The following PRDM8 variants were observed in gnomAD, a reference collection of about 807,000 sequenced individuals.
PRDM8 encodes the protein PR/SET domain 8.
Under a neutral mutation model 46.5 loss-of-function variants are expected in PRDM8, and 13 were observed. The observed-to-expected ratio is 0.28, with a 90% CI of 0.18 to 0.44. The LOEUF (loss-of-function observed/expected upper bound fraction) is 0.44. Among genes scored for constraint, PRDM8 ranks in the 20% least tolerant of loss-of-function variants. The pLI, the probability that PRDM8 is intolerant of heterozygous loss-of-function variation, is 1.00. For synonymous variants in PRDM8, 473 were observed against 438.4 expected, an observed-to-expected ratio of 1.08 and a Z score of -0.98; for missense variants, 998 against 955.0, an observed-to-expected ratio of 1.04 and a Z score of -0.59.
chr4:80,186,454 A>AGAGAGAGAGAGAGAGAGAGAGAGAGT (rs1560463751), intron 1 of PRDM8, among the ~76,000 whole-genome samples: 1 of 151,556 alleles, frequency 6.6e-6, no homozygotes. Flanking sequence ...AGAGAGAGAG[A>AGAGAGAGAGAGAGAGAGAGAGAGAGT]GATTGATTGT....
At chr4:80,192,273 T>C (rs1439168208) in intron 2 of PRDM8, among the ~76,000 whole-genome samples, 1 of 152,174 alleles carries the variant, frequency 6.6e-6, no homozygotes, top group East Asian at 1.9e-4. Flanking sequence ...GCTGTGTGTC[T>C]ATCGTTGCCT....
chr4:80,201,764 T>TCTCAGGCA (rs1250220515), intron 3 of PRDM8, 150 bp from the exon 4 acceptor site: 42 of 1,216,576 alleles, frequency 3.5e-5, no homozygotes, highest in Non-Finnish European at 4.5e-5. Context: ...GTCATTCTTT[T>TCTCAGGCA]CTCAGGCACT....
At chr4:80,199,737 G>GTA (rs771360671) in intron 1 of PRDM8, among the ~76,000 whole-genome samples, 104 of 140,592 alleles carry the variant, frequency 7.4e-4, no homozygotes, top group South Asian at 2.3e-3. Context: ...GTGTGTGTGT[G>GTA]TACATATATA....
In PRDM8 at chr4:80,202,867, G is replaced by C; in HGVS notation, c.1405G>C (p.Ala469Pro). ...CACTTCGGTGCCGCAGCTGGGCAGC[G>C]CGGGCAGCACCAGCGGTGGGGGCGG... The part of the protein sequence containing the change: ...AFTSVPQLGS[A>P]GSTSGGGGTG... The change falls in exon 4 of 4, where the codon GCG (alanine) becomes CCG (proline). Residue 469 changes from alanine to proline, a missense_variant. Physicochemically the swap from Ala to Pro is conservative, Grantham distance 27. Transcript: ENST00000415738. The C allele has an allele frequency of 8.0e-7, 1 of 1,251,978 alleles. No homozygotes were observed. The highest frequency in any genetic ancestry group is 3.1e-4 in the Middle Eastern group (1 of 3,212). The allele number at this position is 1,251,978 out of a possible 1,614,324, so 77.6% of individuals were successfully genotyped here.
At chr4:80,189,069 C>A (rs1010580973) in intron 1 of PRDM8, among the ~76,000 whole-genome samples, 1 of 152,194 alleles carries the variant, frequency 6.6e-6, no homozygotes, top group Non-Finnish European at 1.5e-5. Context: ...AGCCACAGCC[C>A]TTCACAGGAG....
At chr4:80,196,256 GC>G, upstream of PRDM8, 1 of 956,330 alleles carries the variant, frequency 1.0e-6, no homozygotes, top group Non-Finnish European at 1.2e-6. Flanking sequence ...TTATCCTAAT[GC>G]TGACAGATTG....
At chr4:80,185,379 T>A (rs1333843320) in exon 1 of PRDM8, 1 of 152,224 alleles carries the variant, frequency 6.6e-6, no homozygotes, top group East Asian at 1.9e-4. Flanking sequence ...GCTAGAGGAA[T>A]GTGCAAGGAC....
At chr4:80,193,831 A>G (rs1011484695), upstream of PRDM8, among the ~76,000 whole-genome samples, 1 of 152,182 alleles carries the variant, frequency 6.6e-6, no homozygotes, top group Non-Finnish European at 1.5e-5. Flanking sequence ...TACTCTTTTG[A>G]CAATCAAGCC....
chr4:80,202,562 A>C lies in PRDM8; in HGVS notation c.1100A>C (p.Asn367Thr). ...GGCAGCTACTTCGGCCTGGAAGAGA[A>C]CGGCCGCCTCTTCGCGCCGCCAAGT... ...ASGSYFGLEE[N>T]GRLFAPPSPE... The change falls in exon 4 of 4, where the codon AAC becomes ACC. Residue 367 changes from asparagine (N) to threonine (T), a missense_variant. Coordinates refer to ENST00000415738, the MANE Select transcript of PRDM8 (RefSeq NM_001099403.2). The C allele has an allele frequency of 6.5e-7, 1 of 1,534,606 alleles. No homozygotes were observed. Among genetic ancestry groups the C allele is most frequent in the Non-Finnish European group, 8.7e-7 (1 of 1,146,256 alleles).
At position 80,200,246 on chromosome 4, in the gene PRDM8, G is replaced by C. The variant is rs572914613; in HGVS notation, c.166G>C (p.Ala56Pro). 6.2e-7 allele frequency: 1 copy of C among 1,613,978 alleles called. No homozygotes were observed. The highest frequency in any genetic ancestry group is 8.5e-7 in the Non-Finnish European group (1 of 1,180,018). Residue 56 changes from alanine (A) to proline (P), a missense_variant, in exon 2 of 4, where the codon GCT becomes CCT. By Grantham distance (27) the Ala-to-Pro change is conservative (BLOSUM62 -1). Transcript: ENST00000415738. ...CCATACTTCCCTATATGACAGCATAGCTTTCATAGCTCTCAAGTCTACTGA... is the reference window on the plus strand; with the variant it reads ...CCATACTTCCCTATATGACAGCATACCTTTCATAGCTCTCAAGTCTACTGA... ...LSHTSLYDSI[A>P]FIALKSTDKR...
At chr4:80,197,822 A>G (rs1738079811) in intron 1 of PRDM8, 59 bp downstream of exon 1, 1 of 971,126 alleles carries the variant, frequency 1.0e-6, no homozygotes, top group South Asian at 4.8e-5. Context: ...TGGTGGAAAG[A>G]GTAGAACATT....
At chr4:80,194,912 C>T (rs558904580), upstream of PRDM8, among the ~76,000 whole-genome samples, 1 of 152,246 alleles carries the variant, frequency 6.6e-6, no homozygotes, top group South Asian at 2.1e-4. Context: ...GTACCAAAAA[C>T]ATTATTTTAT....
At chr4:80,198,000 G>C (rs940701221) in intron 1 of PRDM8, among the ~76,000 whole-genome samples, 2 of 152,220 alleles carry the variant, frequency 1.3e-5, no homozygotes, top group Admixed American at 6.5e-5. Flanking sequence ...CTAGAGGGAC[G>C]GGCCAGTGGC....
chr4:80,203,746 CCA>C lies in PRDM8; in HGVS notation c.*227_*228del, dbSNP rs1553906750. 1.4e-3 allele frequency: 638 copies of C among 449,952 alleles called. No individual in the cohort carries two copies. Among genetic ancestry groups the C allele is most frequent in the Non-Finnish European group, 1.8e-3 (449 of 252,896 alleles). The allele number at this position is 449,952 out of a possible 1,614,324, so 27.9% of individuals were successfully genotyped here. On this transcript the variant is annotated 3_prime_UTR_variant, in exon 4 of 4. Transcript: ENST00000415738. The stretch of plus-strand genomic sequence containing the variant: ...ATTTACCCGGGACACACACCCCCCC[CCA>C]CACACACACACAGACACACTCACAC...
At chr4:80,201,654 A>T in intron 3 of PRDM8, 133 bp downstream of exon 3, 2 of 991,806 alleles carry the variant, frequency 2.0e-6, no homozygotes. Flanking sequence ...TCTGAGATGT[A>T]GTCTGGAATG....
intron 1 of PRDM8, among the ~76,000 whole-genome samples, chr4:80,199,476 C>T (rs1738252279): frequency 6.6e-6 from 1 of 152,110 alleles, no homozygotes; most frequent in South Asian, 2.1e-4. Flanking sequence ...GGTTAGCTGA[C>T]ACAGAATTAG....
chr4:80,198,302 T>A (rs1017937297), intron 1 of PRDM8, among the ~76,000 whole-genome samples: 4 of 152,250 alleles, frequency 2.6e-5, no homozygotes. Context: ...TCCCTGCTGT[T>A]GCCCGAAGTG....
chr4:80,202,205 C>G lies in PRDM8; in HGVS notation c.743C>G (p.Ala248Gly). 1.2e-6 allele frequency: 2 copies of G among 1,612,186 alleles called. No individual in the cohort carries two copies. Among genetic ancestry groups the G allele is most frequent in the Non-Finnish European group, 1.7e-6 (2 of 1,179,798 alleles). ...SPSPESSNPS[A>G]AAGGSSAKPS... ...TCCCCGGAAAGCAGCAACCCATCCG[C>G]TGCCGCCGGCGGCAGCAGCGCGAAG... The change falls in exon 4 of 4, where the codon GCT becomes GGT. Residue 248 changes from alanine to glycine, a missense_variant. Physicochemically the swap from Ala to Gly is moderately conservative, Grantham distance 60. Transcript: ENST00000415738.
At chr4:80,198,728 T>C (rs1738160190) in intron 1 of PRDM8, among the ~76,000 whole-genome samples, 1 of 152,178 alleles carries the variant, frequency 6.6e-6, no homozygotes, top group Non-Finnish European at 1.5e-5. Context: ...CGTGTAAGGT[T>C]AACTGGTTAA....
Sources: gnomAD v4.1 joint callset for allele counts (sites outside exome capture counted in the v4.1 genomes callset) on GRCh38, gnomAD v4.1.1 for gene constraint, MANE v1.5 for transcripts, NCBI Gene and HGNC (gene_info 2026-07-23, HGNC 2026-07-21) for gene names.